MYLK: variants seen among roughly 807,000 people sequenced by gnomAD.
The protein encoded by MYLK is myosin light chain kinase, smooth muscle.
In MYLK, 106 loss-of-function variants were observed where a neutral mutation model predicts 203.4. That is an observed-to-expected ratio of 0.52 (90% CI 0.45 to 0.61). The LOEUF (loss-of-function observed/expected upper bound fraction) is 0.61, where lower values mean the gene tolerates loss of function less well. MYLK is among the 20% of genes least tolerant of loss of function. The pLI is 0.00. For synonymous variants in MYLK, 867 were observed against 959.5 expected (o/e 0.90, Z 1.78); for missense variants, 2,072 against 2,442.3 (o/e 0.85, Z 3.20).
intron 20 of MYLK, among the ~76,000 whole-genome samples, chr3:123,679,640 A>G (rs1438101508): frequency 6.6e-6 from 1 of 152,160 alleles, no homozygotes; most frequent in Non-Finnish European, 1.5e-5. Context: ...TGAAATTCCA[A>G]CATGGGGGCT....
At chr3:123,856,305 C>T (rs543209053) in intron 2 of MYLK, among the ~76,000 whole-genome samples, 12 of 152,292 alleles carry the variant, frequency 7.9e-5, no homozygotes, top group Admixed American at 5.2e-4. Flanking sequence ...ACAACCCTCT[C>T]GTTTGTGCAT....
intron 11 of MYLK, among the ~76,000 whole-genome samples, chr3:123,729,764 C>T (rs1409813294): frequency 6.6e-6 from 1 of 151,176 alleles, no homozygotes; most frequent in African/African-American, 2.4e-5. Context: ...GCCTGTGGTC[C>T]CAGCTACCCA....
intron 3 of MYLK, among the ~76,000 whole-genome samples, chr3:123,824,837 T>C (rs2066058044): frequency 6.6e-6 from 1 of 152,120 alleles, no homozygotes; most frequent in Non-Finnish European, 1.5e-5. Flanking sequence ...AGCAGAATGA[T>C]CATCTTCATT....
intron 4 of MYLK, among the ~76,000 whole-genome samples, chr3:123,768,598 C>A (rs1023102006): frequency 6.6e-6 from 1 of 152,220 alleles, no homozygotes. Flanking sequence ...ACTGGGGACC[C>A]AGATCCACCT....
At chr3:123,847,192 A>G (rs1254224201) in intron 2 of MYLK, among the ~76,000 whole-genome samples, 2 of 152,180 alleles carry the variant, frequency 1.3e-5, no homozygotes, top group East Asian at 1.9e-4. Flanking sequence ...GATTTACAGT[A>G]TACAGCAGGA....
At chr3:123,789,659 C>CAAAAAA (rs745766578) in intron 4 of MYLK, among the ~76,000 whole-genome samples, 7 of 78,674 alleles carry the variant, frequency 8.9e-5, no homozygotes, top group Admixed American at 1.4e-4. Flanking sequence ...GCTGGCAAAG[C>CAAAAAA]AAAAAAAAAA....
In MYLK at chr3:123,720,253, C is replaced by T. The variant is rs559858871; in HGVS notation, c.1804+1875G>A. Among the ~76,000 whole-genome samples the T allele has an allele frequency of 6.6e-5, 10 of 152,278 alleles. No individual in the cohort carries two copies. The East Asian group carries it at 1.5e-3, about 24-fold the overall frequency. Reference sequence around the variant, plus strand: ...CTTCAGGTCCCAGCCCCCACAGGCCCGGGAGTCAGGAGGATGGCCCTAAAG... The same window carrying T: ...CTTCAGGTCCCAGCCCCCACAGGCCTGGGAGTCAGGAGGATGGCCCTAAAG... On this transcript the variant is annotated intron_variant, in intron 13 of 33. Transcript: ENST00000360304.
intron 15 of MYLK, 111 bp from the exon 16 acceptor site, chr3:123,708,114 A>C (rs1277564215): frequency 4.8e-6 from 7 of 1,467,434 alleles, no homozygotes; most frequent in Non-Finnish European, 6.5e-6. Flanking sequence ...CCCAAGTAAC[A>C]GATTGTCCAG....
intron 3 of MYLK, among the ~76,000 whole-genome samples, chr3:123,813,779 G>C (rs1160337952): frequency 6.6e-6 from 1 of 152,170 alleles, no homozygotes; most frequent in South Asian, 2.1e-4. Flanking sequence ...CCAAAGTGCT[G>C]GGATTACAGG....
chr3:123,844,234 G>C (rs1393843467), intron 2 of MYLK, among the ~76,000 whole-genome samples: 2 of 152,156 alleles, frequency 1.3e-5, no homozygotes, highest in African/African-American at 4.8e-5. Flanking sequence ...AGCTAGGATG[G>C]AACAGAGGAA....
chr3:123,632,477 T>TC (rs1349831840), intron 29 of MYLK, among the ~76,000 whole-genome samples: 1 of 152,068 alleles, frequency 6.6e-6, no homozygotes, highest in African/African-American at 2.4e-5. Context: ...CAAAGATAGG[T>TC]CTTAATCTCT....
At chr3:123,854,232 C>G (rs2031142781) in intron 2 of MYLK, among the ~76,000 whole-genome samples, 1 of 151,334 alleles carries the variant, frequency 6.6e-6, no homozygotes, top group Admixed American at 6.6e-5. Flanking sequence ...GAATTGGAAG[C>G]TAAATAAGAT....
intron 1 of MYLK, among the ~76,000 whole-genome samples, chr3:123,883,550 A>T (rs2700410): frequency 6.6e-6 from 1 of 152,098 alleles, no homozygotes; most frequent in African/African-American, 2.4e-5. Context: ...TTTTAGTTCC[A>T]TAAGTTCCAG....
At chr3:123,789,896 T>C (rs1461057500) in intron 4 of MYLK, among the ~76,000 whole-genome samples, 1 of 152,196 alleles carries the variant, frequency 6.6e-6, no homozygotes, top group Admixed American at 6.5e-5. Flanking sequence ...GGAACCCCCA[T>C]CCCTGTGCAA....
At chr3:123,802,478 G>A (rs937880670) in intron 3 of MYLK, among the ~76,000 whole-genome samples, 6 of 152,274 alleles carry the variant, frequency 3.9e-5, no homozygotes, top group Admixed American at 2.6e-4. Context: ...CATCAGCAGA[G>A]CAGCAGACCA....
intron 2 of MYLK, among the ~76,000 whole-genome samples, chr3:123,850,729 G>T (rs1396447347): frequency 1.3e-5 from 2 of 152,198 alleles, no homozygotes; most frequent in African/African-American, 4.8e-5. Context: ...CTTTTGCTGT[G>T]AAGAAGCTCT....
chr3:123,678,569 ATCAC>A (rs1444102999), intron 20 of MYLK, among the ~76,000 whole-genome samples: 1 of 151,858 alleles, frequency 6.6e-6, no homozygotes, highest in Non-Finnish European at 1.5e-5. Context: ...TGATGAAAAA[ATCAC>A]TCAGGCTCAC....
At position 123,708,908 on chromosome 3, in the gene MYLK, G is replaced by A. The variant is rs753636641; in HGVS notation, c.1943-13C>T. The A allele has an allele frequency of 4.3e-6, 7 of 1,612,926 alleles. No individual in the cohort carries two copies. In the East Asian group the frequency reaches 1.3e-4, roughly 31 times the overall value. On this transcript the variant is annotated splice_polypyrimidine_tract_variant and intron_variant, in intron 14 of 33. Transcript: ENST00000360304. ...GGGGGTGGATTCCCTGAACCAGGAG[G>A]AGGGGAAGGGGGATTGGTTAGGGAG...
intron 2 of MYLK, among the ~76,000 whole-genome samples, chr3:123,873,553 GA>G (rs566181775): frequency 0.023 from 3,491 of 151,590 alleles, 54 homozygotes; most frequent in Non-Finnish European, 0.036. Flanking sequence ...AAAGAATCTA[GA>G]AAAAAAAGCT....
Sources: allele counts gnomAD v4.1 joint callset (sites outside exome capture counted in the v4.1 genomes callset), GRCh38; gene constraint gnomAD v4.1.1; transcripts MANE v1.5; gene names NCBI Gene and HGNC (gene_info 2026-07-23, HGNC 2026-07-21).